RAB33A: variants seen among roughly 807,000 people sequenced by gnomAD.
RAB33A encodes RAB33A, member RAS oncogene family.
Under a neutral mutation model 12.0 loss-of-function variants are expected in RAB33A, and 6 were observed. The ratio of observed to expected loss-of-function variants is 0.50; its 90% confidence interval spans 0.27 to 0.99. The LOEUF is 0.99. RAB33A is among the 50% of genes least tolerant of loss of function. The pLI is 0.11. For synonymous variants in RAB33A, 70 were observed against 82.4 expected (o/e 0.85, Z 0.81); for missense variants, 109 against 192.0 (o/e 0.57, Z 2.55).
the RAB33A span, among the ~76,000 whole-genome samples, chrX:130,162,617 C>A: frequency 8.9e-6 from 1 of 112,364 alleles, no homozygotes; most frequent in African/African-American, 3.2e-5. Context: ...GAAGACTCAT[C>A]TTTTAGGCTT....
At chrX:130,174,962 G>A (rs2031649381) in intron 1 of RAB33A, among the ~76,000 whole-genome samples, 1 of 110,946 alleles carries the variant, frequency 9.0e-6, no homozygotes, top group Non-Finnish European at 1.9e-5. Context: ...GAACTCAATT[G>A]TATGAACATC....
chrX:130,128,111 T>A, the RAB33A span, among the ~76,000 whole-genome samples: 7 of 111,707 alleles, frequency 6.3e-5, no homozygotes, highest in African/African-American at 1.9e-4. Context: ...CGGTGGAGAT[T>A]TGGCCTGTTC....
At chrX:130,164,566 C>T in the RAB33A span, among the ~76,000 whole-genome samples, 11 of 112,173 alleles carry the variant, frequency 9.8e-5, no homozygotes, top group Non-Finnish European at 1.9e-4. Context: ...AAAGCAACTC[C>T]TACAGGTGGA....
At chrX:130,116,871 A>G in the RAB33A span, among the ~76,000 whole-genome samples, 1 of 111,905 alleles carries the variant, frequency 8.9e-6, no homozygotes, top group Non-Finnish European at 1.9e-5. Flanking sequence ...GCTCTTGGAA[A>G]GCCACTCGGT....
the RAB33A span, among the ~76,000 whole-genome samples, chrX:130,113,056 TTTTC>T: frequency 5.0e-5 from 5 of 99,598 alleles, no homozygotes; most frequent in Non-Finnish European, 2.0e-5. Context: ...TGTGTTTTCT[TTTTC>T]TTTTTTTTTT....
chrX:130,142,092 C>T, the RAB33A span, among the ~76,000 whole-genome samples: 1 of 112,183 alleles, frequency 8.9e-6, no homozygotes, highest in Non-Finnish European at 1.9e-5. Flanking sequence ...TACTATGTAT[C>T]AAGTTGAGAC....
At chrX:130,166,808 T>G in the RAB33A span, among the ~76,000 whole-genome samples, 7 of 112,267 alleles carry the variant, frequency 6.2e-5, no homozygotes, top group Non-Finnish European at 1.3e-4. Context: ...TAACCCCATG[T>G]CAGTCGAGGA....
chrX:130,165,805 C>T, the RAB33A span: 7 of 546,184 alleles, frequency 1.3e-5, no homozygotes, highest in Middle Eastern at 6.8e-4. Context: ...GGGCATTGGA[C>T]AGAGAAGCCG....
the RAB33A span, chrX:130,147,469 C>T: frequency 1.7e-6 from 2 of 1,211,276 alleles, no homozygotes; most frequent in Non-Finnish European, 2.2e-6. Flanking sequence ...AGTTGATAGG[C>T]TCATTTTACA....
chrX:130,177,373 A>C (rs143518304), intron 1 of RAB33A, among the ~76,000 whole-genome samples: 200 of 112,549 alleles, frequency 1.8e-3, no homozygotes, highest in African/African-American at 5.8e-3. Context: ...ATTTCACTGG[A>C]TCATCCCAGC....
chrX:130,126,017 T>C, the RAB33A span, among the ~76,000 whole-genome samples: 2 of 112,195 alleles, frequency 1.8e-5, no homozygotes, highest in African/African-American at 6.5e-5. Flanking sequence ...GTTTATGAAA[T>C]GGCCAAGGAA....
chrX:130,163,807 G>C, the RAB33A span, among the ~76,000 whole-genome samples: 1 of 111,540 alleles, frequency 9.0e-6, no homozygotes, highest in African/African-American at 3.3e-5. Flanking sequence ...GGTAAAAGTT[G>C]TGAGACTTAA....
the RAB33A span, chrX:130,137,057 A>C: frequency 8.3e-7 from 1 of 1,211,479 alleles, no homozygotes; most frequent in Non-Finnish European, 1.1e-6. Context: ...GAGTGGCAGC[A>C]TATAGAAACA....
At chrX:130,147,527 G>A in the RAB33A span, 1 of 1,211,982 alleles carries the variant, frequency 8.3e-7, no homozygotes. Context: ...TTGAATCGCA[G>A]TGTCTTTGTG....
At chrX:130,136,056 T>C in the RAB33A span, 1 of 1,211,687 alleles carries the variant, frequency 8.3e-7, no homozygotes. Flanking sequence ...ACCCAGATGT[T>C]AGAGCGTGCT....
chrX:130,112,597 T>G, the RAB33A span, among the ~76,000 whole-genome samples: 1 of 112,140 alleles, frequency 8.9e-6, no homozygotes, highest in Non-Finnish European at 1.9e-5. Flanking sequence ...CTGGGTGTGG[T>G]GACTCATGCC....
intron 1 of RAB33A, among the ~76,000 whole-genome samples, chrX:130,181,526 CCTGGGAGTTATGT>C (rs1215612676): frequency 8.9e-6 from 1 of 112,181 alleles, no homozygotes; most frequent in African/African-American, 3.2e-5. Flanking sequence ...ATGTATATCT[CCTGGGAGTTATGT>C]CTTTGCATAT....
intron 1 of RAB33A, among the ~76,000 whole-genome samples, chrX:130,174,032 GA>G (rs1040922244): frequency 3.6e-5 from 4 of 112,191 alleles, no homozygotes; most frequent in African/African-American, 1.3e-4. Context: ...GAGGGAGGAA[GA>G]AGCTAGAAAG....
intron 1 of RAB33A, among the ~76,000 whole-genome samples, chrX:130,182,175 T>TAC (rs1415874829): frequency 0.014 from 562 of 40,478 alleles, 28 homozygotes; most frequent in African/African-American, 0.1. Flanking sequence ...TATATATATA[T>TAC]ATATATACAC....
Sources: gnomAD v4.1 joint callset for allele counts (sites outside exome capture counted in the v4.1 genomes callset) on GRCh38, gnomAD v4.1.1 for gene constraint, MANE v1.5 for transcripts, NCBI Gene and HGNC (gene_info 2026-07-23, HGNC 2026-07-21) for gene names.